The following PCDHA10 variants were observed in gnomAD, a reference collection of about 807,000 sequenced individuals.
The protein encoded by PCDHA10 is protocadherin alpha-10.
PCDHA10 carries 45 observed loss-of-function variants against 61.2 expected under a neutral mutation model. The observed-to-expected ratio is 0.74, with a 90% CI of 0.58 to 0.94. The LOEUF is 0.94. PCDHA10 is among the 40% of genes least tolerant of loss of function. The probability of loss-of-function intolerance (pLI) is 0.00; values close to 1 mark genes in which losing one functional copy is unlikely to be tolerated. For missense variants in PCDHA10, 1,278 were observed against 1,236.2 expected (o/e 1.03, Z -0.51); for synonymous variants, 602 against 548.8 (o/e 1.10, Z -1.35).
chr5:140,948,312 G>A (rs2094238308), intron 1 of PCDHA10, among the ~76,000 whole-genome samples: 1 of 151,400 alleles, frequency 6.6e-6, no homozygotes, highest in African/African-American at 2.4e-5. Context: ...TTCTTCTTGA[G>A]GGGTAATGTT....
Position 141,010,090 on chromosome 5 carries a change from C to A in PCDHA10, c.*153C>A. On this transcript the variant is annotated 3_prime_UTR_variant, in exon 4 of 4. Transcript: ENST00000307360. ...AAGTTCCCTGTGTCTGTCTAGAACG[C>A]ATTTAACAGGTTTTGTCGTAAAAGC... 1 of 1,612,636 alleles carries A rather than the reference C, an allele frequency of 6.2e-7. No homozygotes were observed. Among genetic ancestry groups the A allele is most frequent in the Non-Finnish European group, 8.5e-7 (1 of 1,179,276 alleles).
In PCDHA10 at chr5:140,882,349, T is replaced by G. The variant is rs782020720; in HGVS notation, c.2388+23913T>G. On this transcript the variant is annotated intron_variant, in intron 1 of 3. Transcript: ENST00000307360. ...TGATCCTCGCAGCCTGGGAGACGGG[T>G]AGTGGCCAGCTCCACTACTCCGTCC... 9 of 1,613,872 alleles carry G rather than the reference T, an allele frequency of 5.6e-6. No individual in the cohort carries two copies. The Admixed American group carries it at 1.3e-4, about 24-fold the overall frequency.
At chr5:140,871,344 G>T in intron 1 of PCDHA10, 1 of 1,614,200 alleles carries the variant, frequency 6.2e-7, no homozygotes, top group Non-Finnish European at 8.5e-7. Context: ...TGGGGAGCTG[G>T]TCATACTCGC....
chr5:140,870,876 G>A, intron 1 of PCDHA10: 1 of 1,613,958 alleles, frequency 6.2e-7, no homozygotes, highest in Non-Finnish European at 8.5e-7. Context: ...ACGTGGTGGC[G>A]AAGGTGCGCG....
At position 140,993,501 on chromosome 5, in the gene PCDHA10, C is replaced by CACACAT. The variant is rs1554253793; in HGVS notation, c.2536+10943_2536+10944insTACACA. Reference sequence around the variant, plus strand: ...ACACACACACACACACACACACACACACACACACGGGGAGAGAGAGACAGA... The same window carrying CACACAT: ...ACACACACACACACACACACACACACACACATACACACACGGGGAGAGAGAGACAGA... On this transcript the variant is annotated intron_variant, in intron 3 of 3. Coordinates refer to ENST00000307360, the MANE Select transcript of PCDHA10 (RefSeq NM_018901.4). Among the ~76,000 whole-genome samples the CACACAT allele has an allele frequency of 3.4e-5, 5 of 148,992 alleles. No homozygotes were observed. The East Asian group carries it at 7.8e-4, about 23-fold the overall frequency.
intron 1 of PCDHA10, among the ~76,000 whole-genome samples, chr5:140,916,423 G>A (rs915446945): frequency 6.6e-6 from 1 of 152,174 alleles, no homozygotes; most frequent in Non-Finnish European, 1.5e-5. Context: ...GCACATCTCA[G>A]AACCTAAGGC....
chr5:140,871,140 C>A, intron 1 of PCDHA10: 1 of 1,613,454 alleles, frequency 6.2e-7, no homozygotes, highest in Non-Finnish European at 8.5e-7. Context: ...AGGCCTCTTC[C>A]CGGACTTTGG....
chr5:140,882,156 A>C (rs1582595846), intron 1 of PCDHA10: 2 of 1,504,204 alleles, frequency 1.3e-6, no homozygotes, highest in Non-Finnish European at 1.8e-6. Flanking sequence ...AAAGCGGAAT[A>C]CCTCTTGCGA....
intron 1 of PCDHA10, among the ~76,000 whole-genome samples, chr5:140,896,209 T>C (rs1489640114): frequency 6.6e-6 from 1 of 152,238 alleles, no homozygotes; most frequent in African/African-American, 2.4e-5. Context: ...AACATACACA[T>C]ACATGTGTCT....
chr5:140,878,899 G>A (rs1301967468), intron 1 of PCDHA10, among the ~76,000 whole-genome samples: 2 of 152,152 alleles, frequency 1.3e-5, no homozygotes, highest in African/African-American at 4.8e-5. Flanking sequence ...CTACAGGCAG[G>A]CTCCACCACT....
intron 1 of PCDHA10, among the ~76,000 whole-genome samples, chr5:140,976,253 T>G (rs1554237440): frequency 6.6e-6 from 1 of 152,124 alleles, no homozygotes; most frequent in Non-Finnish European, 1.5e-5. Context: ...TAAATTTATT[T>G]AAAACACAGA....
At chr5:140,934,695 T>G (rs155824) in intron 1 of PCDHA10, among the ~76,000 whole-genome samples, 48,210 of 151,950 alleles carry the variant, frequency 0.32, 7,985 homozygotes, top group East Asian at 0.53. Flanking sequence ...ATGAATTGAT[T>G]CCTGGCCATC....
At chr5:140,915,572 C>A (rs2077180575) in intron 1 of PCDHA10, among the ~76,000 whole-genome samples, 1 of 151,988 alleles carries the variant, frequency 6.6e-6, no homozygotes, top group Non-Finnish European at 1.5e-5. Flanking sequence ...ATCTGGATTG[C>A]CAGGCAAAAG....
At chr5:140,966,063 C>T (rs2095963895) in intron 1 of PCDHA10, 1 of 153,130 alleles carries the variant, frequency 6.5e-6, no homozygotes, top group African/African-American at 2.4e-5. Flanking sequence ...CAGAGCGCCT[C>T]CCCCTGCGTT....
intron 1 of PCDHA10, chr5:140,865,310 G>T (rs1315373536): frequency 3.9e-5 from 6 of 152,276 alleles, no homozygotes; most frequent in African/African-American, 1.4e-4. Flanking sequence ...AATTACAAAT[G>T]AGATGGCCTT....
At chr5:140,916,641 G>T (rs781877597) in intron 1 of PCDHA10, among the ~76,000 whole-genome samples, 2 of 152,150 alleles carry the variant, frequency 1.3e-5, no homozygotes, top group African/African-American at 2.4e-5. Context: ...TCCTACTGTG[G>T]CTGAGCTGGT....
intron 3 of PCDHA10, among the ~76,000 whole-genome samples, chr5:140,997,106 C>T (rs2153943751): frequency 6.6e-6 from 1 of 152,162 alleles, no homozygotes; most frequent in South Asian, 2.1e-4. Context: ...CTCATGCACT[C>T]CTGCTCTCCC....
chr5:140,928,904 G>T, intron 1 of PCDHA10: 1 of 1,614,180 alleles, frequency 6.2e-7, no homozygotes, highest in Non-Finnish European at 8.5e-7. Flanking sequence ...GAAGATGTCT[G>T]GGAACCAGGA....
chr5:140,876,551 A>G (rs781855200), intron 1 of PCDHA10: 1 of 1,614,184 alleles, frequency 6.2e-7, no homozygotes, highest in Admixed American at 1.7e-5. Context: ...CTCCCTGTGC[A>G]AGAGGATGCT....
Sources: allele counts gnomAD v4.1 joint callset (sites outside exome capture counted in the v4.1 genomes callset), GRCh38; gene constraint gnomAD v4.1.1; transcripts MANE v1.5; gene names NCBI Gene and HGNC (gene_info 2026-07-23, HGNC 2026-07-21).